Variants in CEP78 observed in about 807,000 individuals in gnomAD.
The protein encoded by CEP78 is centrosomal protein 78, also known as centrosomal protein of 78 kDa.
A neutral mutation model predicts 81.2 loss-of-function variants in CEP78; 76 were observed. The observed-to-expected ratio is 0.94, with a 90% CI of 0.78 to 1.13. The LOEUF (loss-of-function observed/expected upper bound fraction) is 1.13, where lower values mean the gene tolerates loss of function less well. Among genes scored for constraint, CEP78 ranks in the 50% most tolerant of loss-of-function variants. The pLI is 0.00. For synonymous variants in CEP78, 293 were observed against 301.4 expected (o/e 0.97, Z 0.29); for missense variants, 918 against 846.8 (o/e 1.08, Z -1.04).
Position 78,276,480 on chromosome 9 carries a change from C to T in CEP78, c.*5629C>T, listed in dbSNP as rs1015692509. 1.3e-5 allele frequency: 2 copies of T among 151,364 alleles called. No homozygotes were observed. The highest frequency in any genetic ancestry group is 4.8e-5 in the African/African-American group (2 of 41,264). The allele number at this position is 151,364 out of a possible 1,614,324, so 9.4% of individuals were successfully genotyped here. A position where few individuals can be genotyped will look rare whatever the true frequency, so the allele number is the denominator to read the frequency against. On this transcript the variant is annotated 3_prime_UTR_variant, in exon 17 of 17. Transcript: ENST00000643273. ...ACATTTTGGGAAATGAGACAAGGCT[C>T]TCGTTATTTGTAAATATGGGGTCTT...
At chr9:78,266,988 C>CT (rs1235863345) in intron 16 of CEP78, 3 of 1,385,616 alleles carry the variant, frequency 2.2e-6, no homozygotes, top group African/African-American at 2.9e-5. Flanking sequence ...CATCCATTCT[C>CT]TATCACACCT....
chr9:78,243,003 TA>T (rs746265564), intron 4 of CEP78, among the ~76,000 whole-genome samples: 3 of 152,140 alleles, frequency 2.0e-5, no homozygotes, highest in Non-Finnish European at 2.9e-5. Context: ...ATACATAAAA[TA>T]TGTATATAGA....
chr9:78,257,502 C>T (rs1563991621), intron 11 of CEP78, among the ~76,000 whole-genome samples: 1 of 152,008 alleles, frequency 6.6e-6, no homozygotes, highest in Middle Eastern at 3.4e-3. Context: ...TGGAGAGCAG[C>T]GGGTCTGGAT....
intron 1 of CEP78, among the ~76,000 whole-genome samples, chr9:78,237,696 T>C (rs1826021320): frequency 6.6e-6 from 1 of 152,124 alleles, no homozygotes. Context: ...GAAACCGCTG[T>C]AGGATGATGA....
Position 78,265,363 on chromosome 9 carries a change from C to G in CEP78, c.1626-9C>G. On this transcript the variant is annotated splice_polypyrimidine_tract_variant and intron_variant, in intron 13 of 16. Coordinates refer to ENST00000643273, the MANE Select transcript of CEP78 (RefSeq NM_001330691.3). Reference sequence around the variant, plus strand: ...CCTTGCCTTTTCCTCCTTTTCTTCTCTCGACCAGGCTTGGGCAGCTTGCCA... The same window carrying G: ...CCTTGCCTTTTCCTCCTTTTCTTCTGTCGACCAGGCTTGGGCAGCTTGCCA... 1 of 1,568,758 alleles carries G rather than the reference C, an allele frequency of 6.4e-7. No individual in the cohort carries two copies. Among genetic ancestry groups the G allele is most frequent in the Non-Finnish European group, 8.6e-7 (1 of 1,162,226 alleles).
At chr9:78,243,402 T>C in intron 4 of CEP78, 60 bp from the exon 5 acceptor site, 1 of 1,446,768 alleles carries the variant, frequency 6.9e-7, no homozygotes, top group Non-Finnish European at 9.5e-7. Context: ...ACTTAGTTCC[T>C]TTTAGTGTTC....
intron 4 of CEP78, among the ~76,000 whole-genome samples, chr9:78,243,151 C>G (rs1563979360): frequency 6.6e-6 from 1 of 152,102 alleles, no homozygotes; most frequent in Non-Finnish European, 1.5e-5. Context: ...AATTTAGAAC[C>G]AGTACCTTCA....
At chr9:78,247,851 C>T (rs1310756921) in intron 6 of CEP78, among the ~76,000 whole-genome samples, 2 of 151,992 alleles carry the variant, frequency 1.3e-5, no homozygotes, top group African/African-American at 2.4e-5. Flanking sequence ...TTTAAAAAGT[C>T]CTAGGTGATT....
In CEP78 at chr9:78,240,082, A is replaced by G. The variant is rs745393868; in HGVS notation, c.313A>G (p.Thr105Ala). Residue 105 changes from threonine to alanine, a missense_variant, in exon 2 of 17, where the codon ACC (threonine) becomes GCC (alanine). Thr to Ala is a moderately conservative substitution (Grantham distance 58). Transcript: ENST00000643273. ...TCCTGCGATAAGATACAAAGATGTG[A>G]CCTTCCAGTTGTGTAAAGCTCTTAA... Reference protein sequence around the residue: ...RVPAIRYKDVTFQLCKALKGC... With the variant: ...RVPAIRYKDVAFQLCKALKGC... The G allele has an allele frequency of 2.5e-6, 4 of 1,585,566 alleles. No homozygotes were observed. In the African/African-American group the frequency reaches 4.1e-5, roughly 16 times the overall value.
At chr9:78,236,692 A>G in intron 1 of CEP78, 89 bp downstream of exon 1, 1 of 1,462,928 alleles carries the variant, frequency 6.8e-7, no homozygotes, top group South Asian at 1.5e-5. Context: ...GTATGTGTGC[A>G]ATAGAAGGGG....
chr9:78,236,093 T>A lies in CEP78; in HGVS notation c.-258T>A. On this transcript the variant is annotated 5_prime_UTR_variant, in exon 1 of 17. Coordinates refer to ENST00000643273, the MANE Select transcript of CEP78 (RefSeq NM_001330691.3). ...GCCCACCGGCTTGAATCCCGGCGCCTCAGAGGACTATGAGGCGGGCGCCAA... is the reference window on the plus strand; with the variant it reads ...GCCCACCGGCTTGAATCCCGGCGCCACAGAGGACTATGAGGCGGGCGCCAA... 1 of 506,320 alleles carries A rather than the reference T, an allele frequency of 2.0e-6. No homozygotes were observed. The highest frequency in any genetic ancestry group is 3.5e-6 in the Non-Finnish European group (1 of 287,050). 31.4% of individuals were successfully genotyped at this position (506,320 alleles called of 1,614,324 possible).
chr9:78,241,590 A>G (rs1198332287), intron 3 of CEP78, 106 bp from the exon 4 acceptor site: 1 of 528,528 alleles, frequency 1.9e-6, no homozygotes, highest in Non-Finnish European at 3.3e-6. Flanking sequence ...GATTTTAAGA[A>G]TACAACTATA....
At chr9:78,261,423 G>A (rs1200557965) in intron 11 of CEP78, among the ~76,000 whole-genome samples, 1 of 152,156 alleles carries the variant, frequency 6.6e-6, no homozygotes, top group Admixed American at 6.5e-5. Context: ...GCAGCTGTCA[G>A]GGAGGAAAAT....
intron 1 of CEP78, among the ~76,000 whole-genome samples, chr9:78,237,679 G>C (rs1176574149): frequency 6.6e-6 from 1 of 152,178 alleles, no homozygotes; most frequent in Non-Finnish European, 1.5e-5. Context: ...TATCCTGAAG[G>C]TTTTGGGAAA....
intron 15 of CEP78, among the ~76,000 whole-genome samples, 153 bp from the exon 16 acceptor site, chr9:78,266,289 A>G (rs915437350): frequency 6.6e-6 from 1 of 152,182 alleles, no homozygotes; most frequent in Non-Finnish European, 1.5e-5. Context: ...GGCTATAGCT[A>G]AGTTAAGTTG....
In CEP78 at chr9:78,257,215, TACCGGTC is replaced by T. The variant is rs1290065750; in HGVS notation, c.1380+2254_1380+2260del. On this transcript the variant is annotated intron_variant, in intron 11 of 16. Coordinates refer to ENST00000643273, the MANE Select transcript of CEP78 (RefSeq NM_001330691.3). ...AAAGAAAGAAATCCCAAGAGAAAAA[TACCGGTC>T]ACTTAAAAACCATAAAAACCAGACT... Among the ~76,000 whole-genome samples, 4 of 151,536 alleles carry T rather than the reference TACCGGTC, an allele frequency of 2.6e-5. No homozygotes were observed. In the East Asian group the frequency reaches 7.8e-4, roughly 29 times the overall value.
chr9:78,246,690 G>C lies in CEP78; in HGVS notation c.800G>C (p.Gly267Ala). ...AAAGCTCTTGACCTGCAACAGTGCG[G>C]CCTCACCAATGAAGGAGCAAAGGCT... ...WLRALDLQQC[G>A]LTNEGAKALL... Residue 267 changes from glycine (G) to alanine (A), a missense_variant, in exon 6 of 17, where the codon GGC (glycine) becomes GCC (alanine). Gly to Ala is a moderately conservative substitution (Grantham distance 60). Coordinates refer to ENST00000643273, the MANE Select transcript of CEP78 (RefSeq NM_001330691.3). The C allele has an allele frequency of 6.2e-7, 1 of 1,609,358 alleles. No homozygotes were observed. Among genetic ancestry groups the C allele is most frequent in the South Asian group, 1.1e-5 (1 of 90,466 alleles).
In CEP78 at chr9:78,270,807, A is replaced by G. The variant is rs1218488583; in HGVS notation, c.2108-34A>G. 7.4e-6 allele frequency: 5 copies of G among 674,276 alleles called. No individual in the cohort carries two copies. In the Admixed American group the frequency reaches 1.2e-4, roughly 16 times the overall value. 41.8% of individuals were successfully genotyped at this position (674,276 alleles called of 1,614,324 possible). On this transcript the variant is annotated intron_variant, in intron 16 of 16. Transcript: ENST00000643273. The stretch of plus-strand genomic sequence containing the variant: ...ATAAACTACATGCTGGAACATTAAC[A>G]TGGATGACTGAACACATTCTTTTAT...
Position 78,262,953 on chromosome 9 carries a change from T to TA in CEP78, c.1429dup (p.Arg477LysfsTer3). On this transcript the variant is annotated frameshift_variant, in exon 12 of 17. Transcript: ENST00000643273. LOFTEE classifies it high-confidence loss of function. ...AAGCAGTTAAAGGAAGAAAGAGTGA[T>TA]AAGGCTTAAGGTTGATAAACGAGTC... The TA allele has an allele frequency of 6.5e-7, 1 of 1,546,596 alleles. No individual in the cohort carries two copies. The highest frequency in any genetic ancestry group is 8.7e-7 in the Non-Finnish European group (1 of 1,144,170).
Sources: allele counts gnomAD v4.1 joint callset (sites outside exome capture counted in the v4.1 genomes callset), GRCh38; gene constraint gnomAD v4.1.1; transcripts MANE v1.5; gene names NCBI Gene and HGNC (gene_info 2026-07-23, HGNC 2026-07-21).